The following DPH6 variants were observed in gnomAD, a reference collection of about 807,000 sequenced individuals.
DPH6 encodes the protein diphthamine biosynthesis 6, also known as diphthine--ammonia ligase.
Under a neutral mutation model 38.2 loss-of-function variants are expected in DPH6, and 33 were observed. The observed-to-expected ratio is 0.86, with a 90% confidence interval of 0.65 to 1.15. The LOEUF (loss-of-function observed/expected upper bound fraction) is 1.15. Among genes scored for constraint, DPH6 ranks in the 50% most tolerant of loss-of-function variants. DPH6 has a pLI of 0.00. For synonymous variants in DPH6, 108 were observed against 103.0 expected (o/e 1.05, Z -0.30); for missense variants, 325 against 320.0 (o/e 1.02, Z -0.12).
At chr15:35,291,815 A>G (rs981221150) in intron 3 of DPH6, among the ~76,000 whole-genome samples, 12 of 151,980 alleles carry the variant, frequency 7.9e-5, no homozygotes, top group Non-Finnish European at 1.6e-4. Context: ...TCAGGTAGGT[A>G]TTTTCTTGAG....
chr15:35,519,097 A>G (rs2054886055), intron 3 of DPH6: 1 of 151,872 alleles, frequency 6.6e-6, no homozygotes, highest in Non-Finnish European at 1.5e-5. Context: ...TGCTTTTATT[A>G]TCCATAACTT....
At chr15:35,320,117 G>A (rs1282999862) in intron 3 of DPH6, among the ~76,000 whole-genome samples, 1 of 151,582 alleles carries the variant, frequency 6.6e-6, no homozygotes, top group African/African-American at 2.4e-5. Context: ...TCATTTTCAT[G>A]GCTTTTTTTT....
chr15:35,257,030 AGTGACAGGGGAGTGCTG>A (rs1255442039), intron 3 of DPH6, among the ~76,000 whole-genome samples: 2 of 152,188 alleles, frequency 1.3e-5, no homozygotes, highest in Non-Finnish European at 2.9e-5. Flanking sequence ...GTGATTTGAT[AGTGACAGGGGAGTGCTG>A]GTGACTGGGG....
chr15:35,217,714 T>A (rs755144636), exon 4 of DPH6: 1 of 152,234 alleles, frequency 6.6e-6, no homozygotes, highest in Non-Finnish European at 1.5e-5. Context: ...GAGACTGGTG[T>A]CCCAGAGCCA....
the DPH6 span, among the ~76,000 whole-genome samples, chr15:35,192,313 G>A: frequency 0.038 from 5,833 of 152,194 alleles, 121 homozygotes; most frequent in Middle Eastern, 0.048. Flanking sequence ...TTATGAAAAC[G>A]ATAGAAAGCA....
intron 5 of DPH6, among the ~76,000 whole-genome samples, chr15:35,444,718 A>G (rs1247852304): frequency 6.6e-6 from 1 of 152,194 alleles, no homozygotes; most frequent in African/African-American, 2.4e-5. Flanking sequence ...GAGTCCAGTC[A>G]TTTAAAGCTT....
At chr15:35,365,003 C>A in intron 3 of DPH6, among the ~76,000 whole-genome samples, 1 of 151,984 alleles carries the variant, frequency 6.6e-6, no homozygotes, top group East Asian at 1.9e-4. Context: ...TTTCTTCTGA[C>A]CTCTTTTCCA....
At chr15:35,407,780 G>A (rs1323970976) in intron 6 of DPH6, among the ~76,000 whole-genome samples, 1 of 151,924 alleles carries the variant, frequency 6.6e-6, no homozygotes, top group Non-Finnish European at 1.5e-5. Flanking sequence ...CGTGGCTACA[G>A]CTAAGGGAAT....
intron 3 of DPH6, among the ~76,000 whole-genome samples, chr15:35,305,216 T>A (rs936879252): frequency 6.6e-6 from 1 of 152,138 alleles, no homozygotes; most frequent in Non-Finnish European, 1.5e-5. Context: ...ATTTTAAATA[T>A]CTTTAAAGGG....
chr15:35,272,674 C>T (rs932322910), intron 3 of DPH6, among the ~76,000 whole-genome samples: 5 of 151,882 alleles, frequency 3.3e-5, no homozygotes, highest in Non-Finnish European at 5.9e-5. Context: ...TTTGGGAGGC[C>T]GAGGCAGGTG....
chr15:35,409,771 A>G (rs1595539123), intron 6 of DPH6, among the ~76,000 whole-genome samples: 2 of 151,944 alleles, frequency 1.3e-5, no homozygotes, highest in African/African-American at 4.8e-5. Context: ...GAAAGCAACC[A>G]TGTTCCATAA....
At chr15:35,520,364 A>T (rs921568074) in intron 3 of DPH6, 2 of 983,408 alleles carry the variant, frequency 2.0e-6, no homozygotes, top group African/African-American at 3.5e-5. Flanking sequence ...TTGTGCTATT[A>T]TACAACAGTA....
intron 3 of DPH6, chr15:35,237,636 G>C: frequency 6.2e-7 from 1 of 1,612,014 alleles, no homozygotes; most frequent in Non-Finnish European, 8.5e-7. Flanking sequence ...AAAGACCTCA[G>C]CACAACAGAG....
Position 35,453,494 on chromosome 15 carries a change from T to C in DPH6, c.386+1253A>G, listed in dbSNP as rs562220038. Among the ~76,000 whole-genome samples, 88 of 152,308 alleles carry C rather than the reference T, an allele frequency of 5.8e-4. No homozygotes were observed. In the South Asian group the frequency reaches 0.017, roughly 30 times the overall value. ...CTAAAACTTGATGACAATACTATTA[T>C]TTCTAATGTCTGGCTTAAGGGATAT... On this transcript the variant is annotated intron_variant, in intron 4 of 8. Coordinates refer to ENST00000256538, the MANE Select transcript of DPH6 (RefSeq NM_080650.4).
intron 3 of DPH6, among the ~76,000 whole-genome samples, chr15:35,268,796 G>A (rs994451481): frequency 1.3e-5 from 2 of 151,768 alleles, no homozygotes; most frequent in African/African-American, 4.8e-5. Flanking sequence ...ATTGGGCTTT[G>A]TAGAATTAAC....
At chr15:35,181,432 T>TTTTTTTTTTTTTTTTTTTTTTTGAGAC in the DPH6 span, among the ~76,000 whole-genome samples, 3 of 148,004 alleles carry the variant, frequency 2.0e-5, no homozygotes, top group Non-Finnish European at 3.0e-5. Context: ...TCACTATTCT[T>TTTTTTTTTTTTTTTTTTTTTTTGAGAC]GCCCTCAGAT....
chr15:35,361,859 A>G (rs79211715), intron 3 of DPH6, among the ~76,000 whole-genome samples: 32 of 149,976 alleles, frequency 2.1e-4, no homozygotes, highest in African/African-American at 7.0e-4. Flanking sequence ...GTTTATTTTA[A>G]TGTTTTCTTA....
At chr15:35,210,321 A>G in the DPH6 span, among the ~76,000 whole-genome samples, 1 of 152,332 alleles carries the variant, frequency 6.6e-6, no homozygotes, top group South Asian at 2.1e-4. Context: ...TGTATATAAA[A>G]TATCTATTAT....
chr15:35,292,008 G>A (rs2051983483), intron 3 of DPH6, among the ~76,000 whole-genome samples: 1 of 151,910 alleles, frequency 6.6e-6, no homozygotes. Context: ...TTCATTTCCA[G>A]TCTTCTTGCT....
Sources: allele counts gnomAD v4.1 joint callset (sites outside exome capture counted in the v4.1 genomes callset), GRCh38; gene constraint gnomAD v4.1.1; transcripts MANE v1.5; gene names NCBI Gene and HGNC (gene_info 2026-07-23, HGNC 2026-07-21).